PTPRN2: variants seen among roughly 807,000 people sequenced by gnomAD.
PTPRN2 encodes receptor-type tyrosine-protein phosphatase N2.
PTPRN2 carries 74 observed loss-of-function variants against 118.8 expected under a neutral mutation model. That is an observed-to-expected ratio of 0.62 (90% confidence interval 0.52 to 0.76). The LOEUF is 0.76. Among genes scored for constraint, PTPRN2 ranks in the 30% least tolerant of loss-of-function variants. PTPRN2 has a pLI of 0.00. For synonymous variants in PTPRN2, 641 were observed against 608.0 expected (o/e 1.05, Z -0.80); for missense variants, 1,481 against 1,394.4 (o/e 1.06, Z -0.99).
At chr7:157,707,073 T>A (rs919193614) in intron 12 of PTPRN2, among the ~76,000 whole-genome samples, 2 of 152,202 alleles carry the variant, frequency 1.3e-5, no homozygotes, top group Non-Finnish European at 2.9e-5. Flanking sequence ...ACAGAAAACT[T>A]AATAGTAAAA....
intron 1 of PTPRN2, among the ~76,000 whole-genome samples, chr7:158,524,219 ACCCTGGAGTGGAGTCTG>A (rs1472691798): frequency 3.7e-4 from 10 of 26,720 alleles, no homozygotes; most frequent in African/African-American, 1.6e-3. Context: ...GGAGTCGTCT[ACCCTGGAGTGGAGTCTG>A]CCCTGGAGTG....
At chr7:157,657,267 T>A (rs954990350) in intron 13 of PTPRN2, among the ~76,000 whole-genome samples, 2 of 21,278 alleles carry the variant, frequency 9.4e-5, no homozygotes, top group East Asian at 9.7e-4. Flanking sequence ...TACACACACA[T>A]ACACCACACA....
At chr7:157,895,242 C>T (rs1584969439) in intron 12 of PTPRN2, among the ~76,000 whole-genome samples, 2 of 151,208 alleles carry the variant, frequency 1.3e-5, no homozygotes, top group African/African-American at 4.9e-5. Context: ...ATAAAATAAG[C>T]CAGAGGGTCT....
At chr7:157,919,279 A>G (rs957034948) in intron 11 of PTPRN2, among the ~76,000 whole-genome samples, 1 of 152,228 alleles carries the variant, frequency 6.6e-6, no homozygotes, top group Non-Finnish European at 1.5e-5. Context: ...ATAAACACAG[A>G]AAACAAAACT....
intron 12 of PTPRN2, among the ~76,000 whole-genome samples, chr7:157,786,856 A>C (rs114924233): frequency 0.033 from 5,090 of 152,332 alleles, 320 homozygotes; most frequent in African/African-American, 0.12. Context: ...TTGCCTGCCC[A>C]GTGCCCAGAG....
At chr7:158,333,761 A>C (rs1350825863) in intron 2 of PTPRN2, among the ~76,000 whole-genome samples, 1 of 145,114 alleles carries the variant, frequency 6.9e-6, no homozygotes, top group African/African-American at 2.6e-5. Flanking sequence ...AAGAGCTGAC[A>C]CCCGCAGACA....
chr7:157,810,101 C>T (rs552636277), intron 12 of PTPRN2, among the ~76,000 whole-genome samples: 13 of 152,340 alleles, frequency 8.5e-5, no homozygotes, highest in African/African-American at 2.2e-4. Flanking sequence ...TGGGTGGAGG[C>T]GAACCTGGCC....
At chr7:157,709,967 G>A (rs1585280592) in intron 12 of PTPRN2, among the ~76,000 whole-genome samples, 1 of 152,314 alleles carries the variant, frequency 6.6e-6, no homozygotes, top group African/African-American at 2.4e-5. Context: ...GCCCTCAGCT[G>A]GGGGCAAACC....
intron 2 of PTPRN2, among the ~76,000 whole-genome samples, chr7:158,348,564 T>C (rs1245367213): frequency 6.6e-6 from 1 of 152,118 alleles, no homozygotes; most frequent in Non-Finnish European, 1.5e-5. Context: ...TGAGTCTGTG[T>C]TGGCTTCTGT....
At chr7:158,212,841 T>A (rs1374385855) in intron 3 of PTPRN2, among the ~76,000 whole-genome samples, 1 of 152,180 alleles carries the variant, frequency 6.6e-6, no homozygotes, top group Non-Finnish European at 1.5e-5. Context: ...AAAGCAATTA[T>A]CATGGGGCTT....
intron 11 of PTPRN2, among the ~76,000 whole-genome samples, chr7:158,057,344 A>G (rs1246089263): frequency 1.3e-5 from 2 of 152,292 alleles, no homozygotes; most frequent in Admixed American, 6.5e-5. Flanking sequence ...AGAATCGTCA[A>G]ACTTGGGGAA....
At chr7:157,646,523 A>G (rs1002388578) in intron 14 of PTPRN2, among the ~76,000 whole-genome samples, 25 of 152,170 alleles carry the variant, frequency 1.6e-4, no homozygotes, top group Admixed American at 9.8e-4. Flanking sequence ...ACCCAGCCTC[A>G]GGTATTTCTG....
chr7:158,197,905 T>A (rs1056047624), intron 4 of PTPRN2, among the ~76,000 whole-genome samples: 31 of 152,114 alleles, frequency 2.0e-4, no homozygotes, highest in African/African-American at 7.5e-4. Flanking sequence ...CAAGATGAGA[T>A]TTGGGTGGGG....
intron 6 of PTPRN2, among the ~76,000 whole-genome samples, chr7:158,149,726 C>A (rs1418928937): frequency 6.6e-6 from 1 of 151,106 alleles, no homozygotes; most frequent in African/African-American, 2.4e-5. Context: ...ATTGCTTGAA[C>A]ATGGGAGACG....
chr7:157,642,437 C>T (rs1368477669), intron 14 of PTPRN2, among the ~76,000 whole-genome samples: 1 of 152,242 alleles, frequency 6.6e-6, no homozygotes, highest in Non-Finnish European at 1.5e-5. Flanking sequence ...GATTCAATTC[C>T]TCTGATGCTG....
intron 5 of PTPRN2, among the ~76,000 whole-genome samples, chr7:158,189,568 G>A (rs1825598116): frequency 6.6e-6 from 1 of 152,210 alleles, no homozygotes; most frequent in Admixed American, 6.5e-5. Flanking sequence ...TCAAGTCAGG[G>A]GGGAAAGACA....
intron 11 of PTPRN2, among the ~76,000 whole-genome samples, chr7:157,937,268 G>C (rs932238889): frequency 2.6e-5 from 4 of 152,144 alleles, no homozygotes; most frequent in Non-Finnish European, 5.9e-5. Flanking sequence ...ACACGGGGCT[G>C]GACCACCTAG....
chr7:157,718,683 A>G (rs1214838901), intron 12 of PTPRN2, among the ~76,000 whole-genome samples: 2 of 120,664 alleles, frequency 1.7e-5, no homozygotes, highest in Non-Finnish European at 3.5e-5. Flanking sequence ...CACTGCAGCC[A>G]CTCTCCATGG....
intron 3 of PTPRN2, among the ~76,000 whole-genome samples, chr7:158,207,900 G>A (rs2150754289): frequency 6.6e-6 from 1 of 152,254 alleles, no homozygotes; most frequent in East Asian, 1.9e-4. Context: ...AGATAACATA[G>A]AAAAGACAAT....
Sources: gnomAD v4.1 joint callset for allele counts (sites outside exome capture counted in the v4.1 genomes callset) on GRCh38, gnomAD v4.1.1 for gene constraint, MANE v1.5 for transcripts, NCBI Gene and HGNC (gene_info 2026-07-23, HGNC 2026-07-21) for gene names.